Variants in CACNB4 observed in about 807,000 individuals in gnomAD.
The protein encoded by CACNB4 is voltage-dependent L-type calcium channel subunit beta-4.
In CACNB4, 32 loss-of-function variants were observed where a neutral mutation model predicts 71.2. The ratio of observed to expected loss-of-function variants is 0.45; its 90% CI spans 0.34 to 0.60. The LOEUF is 0.60. CACNB4 is among the 20% of genes least tolerant of loss of function. CACNB4 has a pLI of 0.01. For synonymous variants in CACNB4, 231 were observed against 236.9 expected (o/e 0.97, Z 0.23); for missense variants, 464 against 647.9 (o/e 0.72, Z 3.08).
chr2:152,008,455 T>A (rs1682857046), intron 2 of CACNB4, among the ~76,000 whole-genome samples: 1 of 151,838 alleles, frequency 6.6e-6, no homozygotes, highest in Admixed American at 6.6e-5. Context: ...CTCAGCTAAT[T>A]TTTGTATTTT....
At chr2:151,964,711 C>T (rs889187336) in intron 2 of CACNB4, among the ~76,000 whole-genome samples, 10 of 152,140 alleles carry the variant, frequency 6.6e-5, no homozygotes, top group Non-Finnish European at 1.5e-4. Context: ...AGGGATATGA[C>T]AATACAGAAA....
At position 151,973,618 on chromosome 2, in the gene CACNB4, G is replaced by GGAGGAGGAA; in HGVS notation, c.148-90257_148-90249dup. ...AAGCGGGGGGGTGGAGGGGATAGTGGGAGGAGGAAGAGGAGGGGAGAGGGA... is the reference window on the plus strand; with the variant it reads ...AAGCGGGGGGGTGGAGGGGATAGTGGGAGGAGGAAGAGGAGGAAGAGGAGGGGAGAGGGA... On this transcript the variant is annotated intron_variant, in intron 2 of 13. Coordinates refer to ENST00000539935, the MANE Select transcript of CACNB4 (RefSeq NM_000726.5). 6 of 1,533,312 alleles carry GGAGGAGGAA rather than the reference G, an allele frequency of 3.9e-6. No homozygotes were observed. The South Asian group carries it at 6.8e-5, about 17-fold the overall frequency. The allele number at this position is 1,533,312 out of a possible 1,614,324, so 95.0% of individuals were successfully genotyped here.
rs1688435020 is a variant in CACNB4, at chr2:152,098,848, G to A, written c.63+101C>T. 1.8e-6 allele frequency: 2 copies of A among 1,091,768 alleles called. No individual in the cohort carries two copies. The highest frequency in any genetic ancestry group is 3.3e-5 in the South Asian group (2 of 60,504). The allele number at this position is 1,091,768 out of a possible 1,614,324, so 67.6% of individuals were successfully genotyped here. A position where few individuals can be genotyped will look rare whatever the true frequency, so the allele number is the denominator to read the frequency against. ...CGGGGCCGCCGACTCCCGGGACTGG[G>A]GCCCCGCACGCCCGGCACGAAGGCG... On this transcript the variant is annotated intron_variant, in intron 1 of 13. Coordinates refer to ENST00000539935, the MANE Select transcript of CACNB4 (RefSeq NM_000726.5). The surrounding 1 kb of genome is among the most constrained non-coding windows in gnomAD (Gnocchi z 5.3).
intron 2 of CACNB4, among the ~76,000 whole-genome samples, chr2:152,047,849 A>G (rs1478986476): frequency 6.6e-6 from 1 of 152,216 alleles, no homozygotes; most frequent in African/African-American, 2.4e-5. Context: ...CAGTGAGCTG[A>G]GATTGAGCCA....
intron 2 of CACNB4, among the ~76,000 whole-genome samples, chr2:151,904,946 T>C (rs764837958): frequency 6.6e-6 from 1 of 152,212 alleles, no homozygotes; most frequent in Non-Finnish European, 1.5e-5. Flanking sequence ...TATGCACTAT[T>C]GGGCAGTGAA....
chr2:151,976,261 T>C (rs1470044053), intron 2 of CACNB4, among the ~76,000 whole-genome samples: 1 of 152,178 alleles, frequency 6.6e-6, no homozygotes, highest in East Asian at 1.9e-4. Context: ...CTGTAAGAGG[T>C]GGGAAAACAC....
chr2:151,843,373 G>T (rs889875420), intron 12 of CACNB4, among the ~76,000 whole-genome samples: 4 of 152,218 alleles, frequency 2.6e-5, no homozygotes, highest in Non-Finnish European at 5.9e-5. Flanking sequence ...AGGGTGCACT[G>T]GAGCAAACAC....
rs2099834614 is a variant in CACNB4, at chr2:151,835,064, C to T, written c.*4055G>A. 1 of 151,892 alleles carries T rather than the reference C, an allele frequency of 6.6e-6. No homozygotes were observed. Among genetic ancestry groups the T allele is most frequent in the Non-Finnish European group, 1.5e-5 (1 of 67,826 alleles). The allele number at this position is 151,892 out of a possible 1,614,324, so 9.4% of individuals were successfully genotyped here. A position where few individuals can be genotyped will look rare whatever the true frequency, so the allele number is the denominator to read the frequency against. The stretch of plus-strand genomic sequence containing the variant: ...TTACCCAGTAAATGGCTAAGTCATG[C>T]TCTGTGGAAGTCAAGGACCAACAAA... On this transcript the variant is annotated 3_prime_UTR_variant, in exon 14 of 14. Transcript: ENST00000539935.
At chr2:151,989,312 C>T (rs1681555201) in intron 2 of CACNB4, among the ~76,000 whole-genome samples, 1 of 152,214 alleles carries the variant, frequency 6.6e-6, no homozygotes, top group African/African-American at 2.4e-5. Flanking sequence ...CCAAAGAGTG[C>T]TTCTACACTC....
At chr2:151,920,731 A>G (rs2099858778) in intron 2 of CACNB4, among the ~76,000 whole-genome samples, 1 of 152,098 alleles carries the variant, frequency 6.6e-6, no homozygotes, top group South Asian at 2.1e-4. Flanking sequence ...ACATGCAACC[A>G]TATTTTGTGA....
At chr2:151,921,893 C>T (rs1315547754) in intron 2 of CACNB4, among the ~76,000 whole-genome samples, 7 of 152,174 alleles carry the variant, frequency 4.6e-5, no homozygotes, top group Non-Finnish European at 1.0e-4. Context: ...TCGCCTTCCG[C>T]CATGATTCTA....
chr2:151,895,394 G>A (rs1050460741), intron 2 of CACNB4, among the ~76,000 whole-genome samples: 2 of 151,910 alleles, frequency 1.3e-5, no homozygotes, highest in Admixed American at 6.6e-5. Context: ...TTGAGCCCAG[G>A]AGCATGGCAC....
rs1332756713 is a variant in CACNB4 at position 152,026,402 on chromosome 2, T to C, written c.147+71928A>G. On this transcript the variant is annotated intron_variant, in intron 2 of 13. Transcript: ENST00000539935. ...CCCTTTTTTTTTTTTTCTTCTTCTT[T>C]GAGACAGGTTCTCGCTCTGTCACCC... 3.3e-5 allele frequency among the ~76,000 whole-genome samples: 5 copies of C among 152,094 alleles called. No homozygotes were observed. In the East Asian group the frequency reaches 9.7e-4, roughly 29 times the overall value.
intron 2 of CACNB4, among the ~76,000 whole-genome samples, chr2:152,059,551 T>C (rs1181460757): frequency 1.3e-5 from 2 of 152,256 alleles, no homozygotes; most frequent in African/African-American, 4.8e-5. Flanking sequence ...CCATTTGAAA[T>C]GGCAACATTT....
intron 2 of CACNB4, among the ~76,000 whole-genome samples, chr2:152,013,362 A>T (rs1683166530): frequency 1.3e-5 from 2 of 152,194 alleles, no homozygotes; most frequent in African/African-American, 4.8e-5. Context: ...AATTCACACC[A>T]AACATACAGA....
chr2:151,983,453 T>G (rs1338051587), intron 2 of CACNB4, among the ~76,000 whole-genome samples: 2 of 152,210 alleles, frequency 1.3e-5, no homozygotes, highest in Non-Finnish European at 2.9e-5. Context: ...ACTGAATTAC[T>G]TGATCTAAAT....
chr2:151,954,100 A>G (rs1390527370), intron 2 of CACNB4, among the ~76,000 whole-genome samples: 1 of 152,154 alleles, frequency 6.6e-6, no homozygotes, highest in Non-Finnish European at 1.5e-5. Context: ...TCTGCCATCT[A>G]CCTCTTGCAA....
At chr2:152,083,847 G>C (rs1463580450) in intron 2 of CACNB4, among the ~76,000 whole-genome samples, 1 of 152,162 alleles carries the variant, frequency 6.6e-6, no homozygotes, top group African/African-American at 2.4e-5. Flanking sequence ...CCAGGCACCA[G>C]TGCCCTCCTC....
chr2:151,889,284 T>C (rs1202367122), intron 2 of CACNB4, among the ~76,000 whole-genome samples: 1 of 151,732 alleles, frequency 6.6e-6, no homozygotes, highest in Non-Finnish European at 1.5e-5. Context: ...GCCTGGCCAA[T>C]GTGGTGAAAC....
Sources: gnomAD v4.1 joint callset for allele counts (sites outside exome capture counted in the v4.1 genomes callset) on GRCh38, gnomAD v4.1.1 for gene constraint, Gnocchi (gnomAD v3.1) non-coding constraint, MANE v1.5 for transcripts, NCBI Gene and HGNC (gene_info 2026-07-23, HGNC 2026-07-21) for gene names.